The following BBOF1 variants were observed in gnomAD, a reference collection of about 807,000 sequenced individuals.
The protein encoded by BBOF1 is basal body orientation factor 1, also known as basal body-orientation factor 1.
Under a neutral mutation model 68.0 loss-of-function variants are expected in BBOF1, and 62 were observed. The ratio of observed to expected loss-of-function variants is 0.91; its 90% CI spans 0.74 to 1.13. The LOEUF (loss-of-function observed/expected upper bound fraction) is 1.13. Among genes scored for constraint, BBOF1 ranks in the 50% most tolerant of loss-of-function variants. The pLI, the probability that BBOF1 is intolerant of heterozygous loss-of-function variation, is 0.00. For synonymous variants in BBOF1, 208 were observed against 198.8 expected, an observed-to-expected ratio of 1.05 and a Z score of -0.39; for missense variants, 534 against 600.1, an observed-to-expected ratio of 0.89 and a Z score of 1.15.
At chr14:74,043,435 A>G (rs1311097893) in intron 5 of BBOF1, among the ~76,000 whole-genome samples, 1 of 149,070 alleles carries the variant, frequency 6.7e-6, no homozygotes, top group Non-Finnish European at 1.5e-5. Context: ...CTGTAGTCCC[A>G]GCTACTCGGG....
intron 11 of BBOF1, chr14:74,057,645 G>T (rs1278664920): frequency 1.5e-6 from 2 of 1,326,460 alleles, no homozygotes; most frequent in Non-Finnish European, 2.0e-6. Flanking sequence ...GATATGAAAT[G>T]ATTTTTTTAA....
chr14:74,073,607 T>C (rs981733590), intron 9 of BBOF1, among the ~76,000 whole-genome samples: 3 of 152,276 alleles, frequency 2.0e-5, no homozygotes, highest in South Asian at 4.1e-4. Flanking sequence ...ACTGTGAGCA[T>C]GTATTACCTT....
intron 4 of BBOF1, among the ~76,000 whole-genome samples, chr14:74,037,274 CTTTTTT>C (rs892262272): frequency 1.5e-5 from 1 of 65,998 alleles, no homozygotes; most frequent in Non-Finnish European, 3.1e-5. Flanking sequence ...CGCCTGGCCT[CTTTTTT>C]TTTTTTTTTT....
rs1201067275 is a variant in BBOF1, at chr14:74,022,964, TGCCTCCCTTTGGGAG to T, written c.109_123del (p.Ser37_Ala41del). 1.2e-6 allele frequency: 2 copies of T among 1,613,232 alleles called. No homozygotes were observed. The highest frequency in any genetic ancestry group is 1.7e-6 in the Non-Finnish European group (2 of 1,179,546). On this transcript the variant is annotated inframe_deletion, in exon 2 of 12. Transcript: ENST00000394009. Reference sequence around the variant, plus strand: ...CTGTGGTGGACAGAGCCAAGGCCAATGCCTCCCTTTGGGAGGCCAGGTTGGAAGTCACAGAACTCT... The same window carrying T: ...CTGTGGTGGACAGAGCCAAGGCCAATGCCAGGTTGGAAGTCACAGAACTCT...
chr14:74,072,436 G>A, intron 9 of BBOF1: 1 of 1,613,166 alleles, frequency 6.2e-7, no homozygotes, highest in Non-Finnish European at 8.5e-7. Context: ...TCACAGAAGT[G>A]GCACTATGTG....
chr14:74,026,989 A>T (rs62005083), intron 2 of BBOF1, among the ~76,000 whole-genome samples: 9,623 of 151,894 alleles, frequency 0.063, 431 homozygotes, highest in South Asian at 0.13. Flanking sequence ...AAATAACAAC[A>T]GTAATAGATT....
At chr14:74,072,442 A>G in intron 9 of BBOF1, 1 of 1,613,174 alleles carries the variant, frequency 6.2e-7, no homozygotes. Flanking sequence ...AAGTGGCACT[A>G]TGTGCTTTAC....
Position 74,065,803 on chromosome 14 carries a change from A to C in BBOF1, c.*1104A>C. 1 of 182,494 alleles carries C rather than the reference A, an allele frequency of 5.5e-6. No homozygotes were observed. The highest frequency in any genetic ancestry group is 1.1e-4 in the South Asian group (1 of 9,052). The allele number at this position is 182,494 out of a possible 1,614,324, so 11.3% of individuals were successfully genotyped here. A position where few individuals can be genotyped will look rare whatever the true frequency, so the allele number is the denominator to read the frequency against. On this transcript the variant is annotated 3_prime_UTR_variant, in exon 12 of 12. Coordinates refer to ENST00000394009, the MANE Select transcript of BBOF1 (RefSeq NM_025057.3). ...TAACATAAATAATCCATTCTTATTC[A>C]CTCCTTTGCCTCCCAAATATGTCTG...
chr14:74,038,515 C>A (rs1205016916), intron 4 of BBOF1, among the ~76,000 whole-genome samples: 1 of 151,962 alleles, frequency 6.6e-6, no homozygotes, highest in African/African-American at 2.4e-5. Context: ...CTTATGGGAA[C>A]GAATAAGGTG....
chr14:74,059,603 G>C (rs2060296328), intron 11 of BBOF1: 1 of 253,430 alleles, frequency 3.9e-6, no homozygotes, highest in Non-Finnish European at 7.9e-6. Context: ...GCTGAGGCAG[G>C]AGAATCGCTT....
intron 9 of BBOF1, among the ~76,000 whole-genome samples, chr14:74,072,860 T>G (rs995688420): frequency 1.3e-5 from 2 of 151,840 alleles, no homozygotes; most frequent in African/African-American, 4.8e-5. Context: ...CACACAGTGG[T>G]ATGATCTCGG....
intron 4 of BBOF1, among the ~76,000 whole-genome samples, chr14:74,036,701 A>G (rs545058063): frequency 7.6e-4 from 113 of 148,600 alleles, no homozygotes; most frequent in African/African-American, 2.3e-3. Flanking sequence ...AAAAAAAAAA[A>G]GCTGTCTTTA....
intron 3 of BBOF1, among the ~76,000 whole-genome samples, chr14:74,033,807 C>T (rs913770107): frequency 1.3e-5 from 2 of 149,838 alleles, no homozygotes; most frequent in Non-Finnish European, 3.0e-5. Context: ...TGGAGCTTGC[C>T]GTGAGCCAAG....
At chr14:74,082,859 AAG>A (rs1468451923) in exon 13 of BBOF1, 1 of 152,188 alleles carries the variant, frequency 6.6e-6, no homozygotes, top group East Asian at 1.9e-4. Flanking sequence ...AGTACATGGA[AAG>A]AGAGATTCTT....
intron 3 of BBOF1, among the ~76,000 whole-genome samples, chr14:74,030,079 A>G (rs12887106): frequency 0.11 from 17,414 of 152,246 alleles, 1,304 homozygotes; most frequent in Admixed American, 0.19. Context: ...CTTAGGATAT[A>G]TACCAGTAAG....
chr14:74,020,396 A>C (rs2059245891), intron 1 of BBOF1, among the ~76,000 whole-genome samples: 2 of 152,212 alleles, frequency 1.3e-5, no homozygotes, highest in Admixed American at 1.3e-4. Flanking sequence ...TAAGGGTAAG[A>C]GACCTTATTC....
intron 5 of BBOF1, among the ~76,000 whole-genome samples, chr14:74,042,837 C>T (rs2139534831): frequency 6.7e-6 from 1 of 149,648 alleles, no homozygotes; most frequent in East Asian, 2.0e-4. Flanking sequence ...TTCTCTCTCT[C>T]GCTCTGTTTC....
At chr14:74,072,855 A>G (rs1208232300) in intron 9 of BBOF1, among the ~76,000 whole-genome samples, 1 of 151,846 alleles carries the variant, frequency 6.6e-6, no homozygotes, top group African/African-American at 2.4e-5. Context: ...TGGAGCACAC[A>G]GTGGTATGAT....
intron 1 of BBOF1, among the ~76,000 whole-genome samples, chr14:74,022,475 G>A (rs2140939853): frequency 6.6e-6 from 1 of 152,300 alleles, no homozygotes; most frequent in East Asian, 1.9e-4. Context: ...TTGAGCCCAA[G>A]AGGCAGAGGT....
Sources: gnomAD v4.1 joint callset for allele counts (sites outside exome capture counted in the v4.1 genomes callset) on GRCh38, gnomAD v4.1.1 for gene constraint, MANE v1.5 for transcripts, NCBI Gene and HGNC (gene_info 2026-07-23, HGNC 2026-07-21) for gene names.